CAV1: variants seen among roughly 807,000 people sequenced by gnomAD.
The protein encoded by CAV1 is caveolin 1.
CAV1 carries 10 observed loss-of-function variants against 16.5 expected under a neutral mutation model. The observed-to-expected ratio is 0.61, with a 90% CI of 0.37 to 1.03. CAV1 has a LOEUF of 1.03. Among genes scored for constraint, CAV1 ranks in the 50% least tolerant of loss-of-function variants. The pLI is 0.01. For missense variants in CAV1, 212 were observed against 232.8 expected (o/e 0.91, Z 0.58); for synonymous variants, 76 against 85.1 (o/e 0.89, Z 0.59).
chr7:116,528,396 G>C (rs1793615400), intron 2 of CAV1, among the ~76,000 whole-genome samples: 1 of 152,188 alleles, frequency 6.6e-6, no homozygotes, highest in African/African-American at 2.4e-5. Context: ...GAGCAAGTGT[G>C]GGGATCCTCA....
intron 2 of CAV1, among the ~76,000 whole-genome samples, chr7:116,534,378 T>G (rs1231196687): frequency 3.3e-4 from 5 of 15,130 alleles, no homozygotes; most frequent in Non-Finnish European, 7.6e-4. Context: ...TATATATATA[T>G]ATATATATAT....
intron 2 of CAV1, among the ~76,000 whole-genome samples, chr7:116,534,387 A>ATGTTTTTTTTT (rs1196588254): frequency 4.3e-4 from 4 of 9,254 alleles, no homozygotes; most frequent in African/African-American, 1.2e-3. Context: ...ATATATATAT[A>ATGTTTTTTTTT]TATATATATT....
chr7:116,537,008 T>C (rs1158697352), intron 2 of CAV1, among the ~76,000 whole-genome samples: 1 of 19,716 alleles, frequency 5.1e-5, no homozygotes. Context: ...AGACTCCGTC[T>C]CAAAAAAAAA....
chr7:116,551,096 C>T (rs1368990037), intron 2 of CAV1, among the ~76,000 whole-genome samples: 10 of 152,148 alleles, frequency 6.6e-5, no homozygotes, highest in African/African-American at 1.2e-4. Context: ...GTCTTTTGCA[C>T]GAGACAAAGG....
intron 2 of CAV1, among the ~76,000 whole-genome samples, chr7:116,552,743 T>C (rs1022806858): frequency 1.3e-5 from 2 of 152,206 alleles, no homozygotes; most frequent in African/African-American, 4.8e-5. Context: ...AAAGCTTCCC[T>C]GGAAGTCCCC....
At chr7:116,546,706 A>AAAAAAAAAAAATAAAT (rs1794058299) in intron 2 of CAV1, among the ~76,000 whole-genome samples, 1 of 151,410 alleles carries the variant, frequency 6.6e-6, no homozygotes, top group Non-Finnish European at 1.5e-5. Flanking sequence ...ACAAAAAAAA[A>AAAAAAAAAAAATAAAT]AAAAAAAAGT....
At position 116,559,338 on chromosome 7, in the gene CAV1, C is replaced by T. The variant is rs1584788488; in HGVS notation, c.*51C>T. On this transcript the variant is annotated 3_prime_UTR_variant, in exon 3 of 3. Transcript: ENST00000341049. ...CCTGATTTTTTTTCCTTTTAATTTTCCTGGTGCCAATTTCAAGTTCCAAGT... is the reference window on the plus strand; with the variant it reads ...CCTGATTTTTTTTCCTTTTAATTTTTCTGGTGCCAATTTCAAGTTCCAAGT... The T allele has an allele frequency of 1.4e-6, 2 of 1,388,772 alleles. No homozygotes were observed. The highest frequency in any genetic ancestry group is 1.7e-5 in the Admixed American group (1 of 57,508). 86.0% of individuals were successfully genotyped at this position (1,388,772 alleles called of 1,614,324 possible).
intron 2 of CAV1, among the ~76,000 whole-genome samples, chr7:116,554,529 A>C (rs552736024): frequency 7.4e-4 from 113 of 152,340 alleles, no homozygotes; most frequent in Non-Finnish European, 1.2e-3. Flanking sequence ...TCAGGAAATT[A>C]GAGTTCTAAT....
intron 2 of CAV1, among the ~76,000 whole-genome samples, chr7:116,532,835 A>G (rs1167889833): frequency 1.3e-5 from 2 of 152,208 alleles, no homozygotes; most frequent in Non-Finnish European, 2.9e-5. Context: ...AGGAAAAGGC[A>G]TGCATGAAGT....
chr7:116,530,208 CTTT>C (rs3030806), intron 2 of CAV1, among the ~76,000 whole-genome samples: 1 of 125,356 alleles, frequency 8.0e-6, no homozygotes, highest in Non-Finnish European at 1.6e-5. Context: ...GTCCTTTTTC[CTTT>C]TTTTTTTTTT....
chr7:116,530,466 A>G (rs1194584409), intron 2 of CAV1, among the ~76,000 whole-genome samples: 2 of 152,306 alleles, frequency 1.3e-5, no homozygotes, highest in South Asian at 2.1e-4. Context: ...TAAATAGGGA[A>G]TGGTATCAAT....
rs5886830 is a variant in CAV1, at chr7:116,546,697, C to CAAAAAAAAAAAAAAAAAAAAAAAAAAAAA, written c.196-12232_196-12231insAAAAAAAAAAAAAAAAAAAAAAAAAAAAA. 2.0e-4 allele frequency among the ~76,000 whole-genome samples: 18 copies of CAAAAAAAAAAAAAAAAAAAAAAAAAAAAA among 88,400 alleles called. 1 individual carries two copies. The highest frequency in any genetic ancestry group is 2.9e-4 in the East Asian group (1 of 3,406). The allele number at this position is 88,400 out of a possible 152,430, so 58.0% of individuals were successfully genotyped here. A position where few individuals can be genotyped will look rare whatever the true frequency, so the allele number is the denominator to read the frequency against. On this transcript the variant is annotated intron_variant, in intron 2 of 2. Coordinates refer to ENST00000341049, the MANE Select transcript of CAV1 (RefSeq NM_001753.5). Reference sequence around the variant, plus strand: ...GGGCAACAAGAATGAGACTCTGTCACAAAAAAAAAAAAAAAAAGTCTGCAG... The same window carrying CAAAAAAAAAAAAAAAAAAAAAAAAAAAAA: ...GGGCAACAAGAATGAGACTCTGTCACAAAAAAAAAAAAAAAAAAAAAAAAAAAAAAAAAAAAAAAAAAAAAAGTCTGCAG...
Position 116,526,650 on chromosome 7 carries a change from C to A in CAV1, c.156C>A (p.Val52=). 6.2e-7 allele frequency: 1 copy of A among 1,614,126 alleles called. No homozygotes were observed. Among genetic ancestry groups the A allele is most frequent in the South Asian group, 1.1e-5 (1 of 91,066 alleles). ...YDAHTKEIDL[V]NRDPKHLNDD... is the part of the protein sequence containing the mutation. ...CGCACACCAAGGAGATCGACCTGGT[C>A]AACCGCGACCCTAAACACCTCAACG... The change falls in exon 2 of 3, where the codon GTC becomes GTA. Residue 52 remains valine (V), a synonymous_variant. Coordinates refer to ENST00000341049, the MANE Select transcript of CAV1 (RefSeq NM_001753.5).
At chr7:116,557,468 C>A (rs1794313721) in intron 2 of CAV1, among the ~76,000 whole-genome samples, 1 of 152,158 alleles carries the variant, frequency 6.6e-6, no homozygotes, top group East Asian at 1.9e-4. Flanking sequence ...CTGTCACTGC[C>A]AAGCAGTTGC....
chr7:116,539,948 A>G lies in CAV1; in HGVS notation c.195+13259A>G, dbSNP rs867530609. Among the ~76,000 whole-genome samples the G allele has an allele frequency of 3.9e-5, 6 of 152,282 alleles. No individual in the cohort carries two copies. The Middle Eastern group carries it at 0.02, about 518-fold the overall frequency. ...GAAAGGAGTGCCTGTTGAACCCCCC[A>G]TCTATCCCCGCACTATGGCAAGATT... On this transcript the variant is annotated intron_variant, in intron 2 of 2. Transcript: ENST00000341049.
At chr7:116,533,348 TAAATAAAATAAAATAAAATA>T (rs763800018) in intron 2 of CAV1, among the ~76,000 whole-genome samples, 1,471 of 137,668 alleles carry the variant, frequency 0.011, 47 homozygotes, top group African/African-American at 0.038. Flanking sequence ...AAAAATAAAA[TAAATAAAATAAAATAAAATA>T]AAATAAAATA....
chr7:116,536,491 G>A (rs973687911), intron 2 of CAV1, among the ~76,000 whole-genome samples: 4 of 152,264 alleles, frequency 2.6e-5, no homozygotes, highest in East Asian at 1.9e-4. Context: ...CTCCAAAGCC[G>A]AACATATGTT....
chr7:116,540,233 A>T (rs1460651681), intron 2 of CAV1, among the ~76,000 whole-genome samples: 1 of 152,218 alleles, frequency 6.6e-6, no homozygotes, highest in African/African-American at 2.4e-5. Context: ...TTCAGGAAAA[A>T]GAAAAACAAC....
chr7:116,548,559 G>A (rs1794098271), intron 2 of CAV1, among the ~76,000 whole-genome samples: 2 of 152,184 alleles, frequency 1.3e-5, no homozygotes, highest in African/African-American at 2.4e-5. Context: ...TGGATGGCAG[G>A]TATGGATGTA....
Sources: allele counts gnomAD v4.1 joint callset (sites outside exome capture counted in the v4.1 genomes callset), GRCh38; gene constraint gnomAD v4.1.1; transcripts MANE v1.5; gene names NCBI Gene and HGNC (gene_info 2026-07-23, HGNC 2026-07-21).